ATP13A5: variants seen among roughly 807,000 people sequenced by gnomAD.
The protein encoded by ATP13A5 is probable cation-transporting ATPase 13A5.
Under a neutral mutation model 150.2 loss-of-function variants are expected in ATP13A5, and 149 were observed. The observed-to-expected ratio is 0.99, with a 90% confidence interval of 0.87 to 1.14. ATP13A5 has a LOEUF of 1.14. Ranked by LOEUF, ATP13A5 falls within the 50% of genes most tolerant of loss-of-function variation. ATP13A5 has a pLI of 0.00. For missense variants in ATP13A5, 1,383 were observed against 1,449.3 expected (o/e 0.95, Z 0.74); for synonymous variants, 497 against 522.2 (o/e 0.95, Z 0.66).
rs1280301028 is a variant in ATP13A5, at chr3:193,352,884, G to C, written c.606+1243C>G. Reference sequence around the variant, plus strand: ...AGACTGGAAACATGCACCATTGAGTGGGGGCTCACATCATCAGATTCATGG... The same window carrying C: ...AGACTGGAAACATGCACCATTGAGTCGGGGCTCACATCATCAGATTCATGG... On this transcript the variant is annotated intron_variant, in intron 6 of 29. Coordinates refer to ENST00000342358, the MANE Select transcript of ATP13A5 (RefSeq NM_198505.4). 2.6e-5 allele frequency among the ~76,000 whole-genome samples: 4 copies of C among 151,990 alleles called. No individual in the cohort carries two copies. The East Asian group carries it at 7.7e-4, about 29-fold the overall frequency.
At chr3:193,378,209 A>T (rs990742503) in intron 1 of ATP13A5, among the ~76,000 whole-genome samples, 5 of 152,028 alleles carry the variant, frequency 3.3e-5, no homozygotes, top group Non-Finnish European at 7.4e-5. Flanking sequence ...GATGCTTAAA[A>T]CTTCTCTCTG....
chr3:193,341,761 T>C (rs1438328549), intron 9 of ATP13A5, among the ~76,000 whole-genome samples: 1 of 152,154 alleles, frequency 6.6e-6, no homozygotes, highest in African/African-American at 2.4e-5. Flanking sequence ...ATGGCAAAAT[T>C]TGGAACCGAC....
At chr3:193,341,429 G>T (rs548897663) in intron 9 of ATP13A5, among the ~76,000 whole-genome samples, 2 of 152,200 alleles carry the variant, frequency 1.3e-5, no homozygotes, top group Non-Finnish European at 2.9e-5. Context: ...CGTACTGGGA[G>T]TTGGAAGAGA....
At chr3:193,304,264 A>C (rs1718524253) in intron 23 of ATP13A5, among the ~76,000 whole-genome samples, 2 of 152,172 alleles carry the variant, frequency 1.3e-5, no homozygotes, top group Admixed American at 1.3e-4. Context: ...AAGCAAGGAA[A>C]GTGGGAGTTG....
At chr3:193,292,557 G>A (rs1718008744) in intron 25 of ATP13A5, among the ~76,000 whole-genome samples, 1 of 152,136 alleles carries the variant, frequency 6.6e-6, no homozygotes, top group Admixed American at 6.5e-5. Flanking sequence ...GGCTTGCCCT[G>A]TGGCTCTGCT....
intron 29 of ATP13A5, among the ~76,000 whole-genome samples, chr3:193,275,953 T>C (rs1416076557): frequency 1.3e-5 from 2 of 152,188 alleles, no homozygotes; most frequent in African/African-American, 4.8e-5. Context: ...TTTCCTCAAA[T>C]CGCTGTATAG....
At chr3:193,318,555 A>G (rs752429166) in intron 17 of ATP13A5, among the ~76,000 whole-genome samples, 3 of 152,102 alleles carry the variant, frequency 2.0e-5, no homozygotes, top group East Asian at 1.9e-4. Context: ...GCACTGAAAA[A>G]ACCACGTCTA....
chr3:193,328,400 G>C (rs1719549485), intron 12 of ATP13A5, among the ~76,000 whole-genome samples: 1 of 152,154 alleles, frequency 6.6e-6, no homozygotes, highest in African/African-American at 2.4e-5. Flanking sequence ...ATTTTATAAA[G>C]GACTCCACCA....
At chr3:193,321,900 C>T (rs1157179476) in intron 15 of ATP13A5, 63 bp from the exon 16 acceptor site, 1 of 1,563,268 alleles carries the variant, frequency 6.4e-7, no homozygotes. Flanking sequence ...AAATGCATAC[C>T]AACAAAAGGG....
intron 27 of ATP13A5, among the ~76,000 whole-genome samples, chr3:193,283,833 TAGGGTGACC>T (rs1717602913): frequency 1.3e-5 from 2 of 151,294 alleles, no homozygotes; most frequent in East Asian, 3.9e-4. Context: ...AATTGCTTGA[TAGGGTGACC>T]ATCTTTATCA....
intron 7 of ATP13A5, among the ~76,000 whole-genome samples, chr3:193,350,758 C>T (rs1712533615): frequency 6.6e-6 from 1 of 152,142 alleles, no homozygotes; most frequent in Non-Finnish European, 1.5e-5. Context: ...CCCCTTCATT[C>T]TCCTAAAACT....
intron 20 of ATP13A5, 103 bp from the exon 21 acceptor site, chr3:193,310,820 A>T: frequency 2.7e-6 from 2 of 746,974 alleles, no homozygotes; most frequent in South Asian, 3.8e-5. Context: ...AATTTAATAC[A>T]GCATTGGATG....
chr3:193,350,228 T>TTTA (rs1472565502), intron 7 of ATP13A5, among the ~76,000 whole-genome samples: 6 of 152,056 alleles, frequency 3.9e-5, no homozygotes, highest in African/African-American at 1.4e-4. Context: ...ATATATGCAC[T>TTTA]TAATAGAGTA....
intron 9 of ATP13A5, among the ~76,000 whole-genome samples, chr3:193,340,602 A>T (rs1712079769): frequency 6.6e-6 from 1 of 152,162 alleles, no homozygotes; most frequent in Non-Finnish European, 1.5e-5. Context: ...CTTAATGAAG[A>T]GAAGAAGAGG....
intron 28 of ATP13A5, among the ~76,000 whole-genome samples, chr3:193,278,107 G>T (rs1717310654): frequency 6.6e-6 from 1 of 152,078 alleles, no homozygotes; most frequent in Admixed American, 6.6e-5. Flanking sequence ...CCTGACCCTG[G>T]AATTATTTAT....
intron 27 of ATP13A5, among the ~76,000 whole-genome samples, chr3:193,279,779 A>G (rs1717397068): frequency 6.6e-6 from 1 of 151,958 alleles, no homozygotes; most frequent in Non-Finnish European, 1.5e-5. Context: ...TCTTGGCACC[A>G]TCTCATTCTT....
At chr3:193,322,393 A>T in intron 15 of ATP13A5, 98 bp downstream of exon 15, 1 of 959,184 alleles carries the variant, frequency 1.0e-6, no homozygotes, top group African/African-American at 1.6e-5. Flanking sequence ...CTGTTATGAT[A>T]AGGCAAAATA....
chr3:193,283,521 A>G (rs1717590865), intron 27 of ATP13A5, among the ~76,000 whole-genome samples: 1 of 152,214 alleles, frequency 6.6e-6, no homozygotes, highest in African/African-American at 2.4e-5. Flanking sequence ...AAGAAATGCA[A>G]ACTAAAACCA....
rs1375117956 is a variant in ATP13A5, at chr3:193,309,366, T to C, written c.2525+1272A>G. On this transcript the variant is annotated intron_variant, in intron 21 of 29. Coordinates refer to ENST00000342358, the MANE Select transcript of ATP13A5 (RefSeq NM_198505.4). ...CTTCCCCATTTTTCTGATTCTAAGC[T>C]ATACAACCTGCCCCACTATTTCTGC... Among the ~76,000 whole-genome samples, 10 of 152,332 alleles carry C rather than the reference T, an allele frequency of 6.6e-5. 1 individual carries two copies. The highest frequency in any genetic ancestry group is 6.2e-4 in the South Asian group (3 of 4,828).
Sources: allele counts gnomAD v4.1 joint callset (sites outside exome capture counted in the v4.1 genomes callset), GRCh38; gene constraint gnomAD v4.1.1; transcripts MANE v1.5; gene names NCBI Gene and HGNC (gene_info 2026-07-23, HGNC 2026-07-21).